Variants in GRIK4 observed in about 807,000 individuals in gnomAD.
GRIK4 encodes the protein glutamate receptor ionotropic, kainate 4.
GRIK4 carries 40 observed loss-of-function variants against 104.9 expected under a neutral mutation model. The ratio of observed to expected loss-of-function variants is 0.38; its 90% CI spans 0.30 to 0.50. The LOEUF is 0.50. Ranked by LOEUF, GRIK4 falls within the 20% of genes least tolerant of loss-of-function variation. The pLI is 0.93. For missense variants in GRIK4, 1,047 were observed against 1,308.1 expected (o/e 0.80, Z 3.08); for synonymous variants, 485 against 524.9 (o/e 0.92, Z 1.04).
In GRIK4 at chr11:120,831,956, G is replaced by C; in HGVS notation, c.616G>C (p.Glu206Gln). 1 of 1,613,972 alleles carries C rather than the reference G, an allele frequency of 6.2e-7. No individual in the cohort carries two copies. The highest frequency in any genetic ancestry group is 8.5e-7 in the Non-Finnish European group (1 of 1,179,960). ...CCGGGACCCCACCCCGCTCCTCAAG[G>C]AGATCCGGGACGACAAGACCGCCAC... ...DTRDPTPLLK[E>Q]IRDDKTATII... The change falls in exon 7 of 21, where the codon GAG becomes CAG. Residue 206 changes from glutamate (E) to glutamine (Q), a missense_variant. Around this residue, in one of 3 missense-constraint regions of GRIK4, gnomAD observed 447 missense variants for 514.9 expected, o/e 0.87. Coordinates refer to ENST00000527524, the MANE Select transcript of GRIK4 (RefSeq NM_014619.5).
intron 3 of GRIK4, among the ~76,000 whole-genome samples, chr11:120,703,996 G>C (rs1427659455): frequency 6.6e-6 from 1 of 152,198 alleles, no homozygotes. Context: ...CATAGTTTTA[G>C]TTTAGATTTC....
chr11:120,601,366 A>T (rs1004912209), intron 1 of GRIK4, among the ~76,000 whole-genome samples: 2 of 152,118 alleles, frequency 1.3e-5, no homozygotes, highest in Non-Finnish European at 2.9e-5. Context: ...AGATTGCGCC[A>T]CTGCACTCCA....
chr11:120,520,147 C>A (rs999995180), intron 1 of GRIK4, among the ~76,000 whole-genome samples: 1 of 152,130 alleles, frequency 6.6e-6, no homozygotes, highest in African/African-American at 2.4e-5. Flanking sequence ...CCCGCCTCAG[C>A]CCCCCAAAGT....
At chr11:120,852,208 TA>T (rs1953989768) in intron 8 of GRIK4, among the ~76,000 whole-genome samples, 4 of 152,156 alleles carry the variant, frequency 2.6e-5, no homozygotes, top group African/African-American at 9.7e-5. Flanking sequence ...GTGTTGTAAA[TA>T]AAAAAATGAA....
chr11:120,833,980 TGTTGGAGATACAG>T (rs1398185864), intron 7 of GRIK4, among the ~76,000 whole-genome samples: 1 of 152,222 alleles, frequency 6.6e-6, no homozygotes, highest in Non-Finnish European at 1.5e-5. Flanking sequence ...ATCACTTTAT[TGTTGGAGATACAG>T]GTTGTTTCAA....
At chr11:120,862,262 T>G in intron 9 of GRIK4, 142 bp downstream of exon 9, 1 of 728,666 alleles carries the variant, frequency 1.4e-6, no homozygotes, top group Non-Finnish European at 2.3e-6. Context: ...GGTAGAGAGG[T>G]GTGGGAAGTG....
intron 14 of GRIK4, among the ~76,000 whole-genome samples, chr11:120,944,435 G>A (rs1264050713): frequency 1.3e-5 from 2 of 152,108 alleles, no homozygotes; most frequent in African/African-American, 4.8e-5. Flanking sequence ...GTCACAAGCT[G>A]AATTCTGTGT....
At chr11:120,798,372 T>C (rs985721329) in intron 3 of GRIK4, among the ~76,000 whole-genome samples, 7 of 152,038 alleles carry the variant, frequency 4.6e-5, no homozygotes, top group Admixed American at 1.3e-4. Context: ...TTAGCCAGGA[T>C]GGTCTCAAAC....
intron 6 of GRIK4, among the ~76,000 whole-genome samples, chr11:120,825,834 T>A (rs1370686792): frequency 6.6e-6 from 1 of 152,234 alleles, no homozygotes; most frequent in Non-Finnish European, 1.5e-5. Flanking sequence ...ATTTAATTAC[T>A]GTTATTTTAT....
chr11:120,980,333 G>A (rs1565474683), intron 19 of GRIK4, among the ~76,000 whole-genome samples: 1 of 152,194 alleles, frequency 6.6e-6, no homozygotes, highest in African/African-American at 2.4e-5. Context: ...TAATTCATCC[G>A]TGTTGCACAG....
intron 1 of GRIK4, among the ~76,000 whole-genome samples, chr11:120,595,422 A>G (rs541633948): frequency 6.6e-6 from 1 of 152,078 alleles, no homozygotes; most frequent in South Asian, 2.1e-4. Flanking sequence ...TCCCCTCTAG[A>G]CTGTAAGTTC....
intron 3 of GRIK4, among the ~76,000 whole-genome samples, chr11:120,778,334 G>T (rs549576782): frequency 6.6e-6 from 1 of 152,184 alleles, no homozygotes; most frequent in Non-Finnish European, 1.5e-5. Flanking sequence ...GCACTAGGAC[G>T]CTGACTGGGG....
At chr11:120,804,806 C>G (rs1276232185) in intron 4 of GRIK4, among the ~76,000 whole-genome samples, 1 of 152,152 alleles carries the variant, frequency 6.6e-6, no homozygotes, top group African/African-American at 2.4e-5. Flanking sequence ...GCAGTGTGGC[C>G]AGTCTCACAA....
At chr11:120,551,194 G>A (rs112616966) in intron 1 of GRIK4, among the ~76,000 whole-genome samples, 2,411 of 152,202 alleles carry the variant, frequency 0.016, 69 homozygotes, top group African/African-American at 0.055. Context: ...GGAAGTTAAC[G>A]AGTTCCTGTT....
At chr11:120,547,909 G>A (rs1948101902) in intron 1 of GRIK4, among the ~76,000 whole-genome samples, 1 of 152,198 alleles carries the variant, frequency 6.6e-6, no homozygotes, top group Non-Finnish European at 1.5e-5. Context: ...CGGGTATGAG[G>A]GGAGTCTGCA....
Position 120,660,395 on chromosome 11 carries a change from G to A in GRIK4, c.77G>A (p.Arg26Lys). ...GTCGCCTGCAGCCCGCACTCCTTGA[G>A]GATCGGTAAGTGTGGCCCAGCTTGG... The part of the protein sequence containing the change: ...VMVACSPHSL[R>K]IAAILDDPME... The change falls in exon 3 of 21, where the codon AGG (arginine) becomes AAG (lysine). Residue 26 changes from arginine to lysine, a missense_variant. By Grantham distance (26) the Arg-to-Lys change is conservative. Transcript: ENST00000527524. 1 of 1,611,866 alleles carries A rather than the reference G, an allele frequency of 6.2e-7. No individual in the cohort carries two copies. The highest frequency in any genetic ancestry group is 8.5e-7 in the Non-Finnish European group (1 of 1,179,332).
intron 1 of GRIK4, among the ~76,000 whole-genome samples, chr11:120,539,884 G>A (rs1948015307): frequency 6.6e-6 from 1 of 152,146 alleles, no homozygotes; most frequent in Admixed American, 6.5e-5. Context: ...CCTTTTCAAG[G>A]TTACCCACCA....
At chr11:120,866,938 C>T (rs1954434472) in intron 9 of GRIK4, among the ~76,000 whole-genome samples, 2 of 152,180 alleles carry the variant, frequency 1.3e-5, no homozygotes, top group South Asian at 4.2e-4. Context: ...TATTTTCCTT[C>T]TCAGGGCATC....
intron 8 of GRIK4, among the ~76,000 whole-genome samples, chr11:120,847,541 G>A (rs1227740026): frequency 2.0e-5 from 3 of 152,194 alleles, no homozygotes; most frequent in Non-Finnish European, 4.4e-5. Flanking sequence ...AGGTAGAGAA[G>A]GACATTCTAA....
Sources: allele counts gnomAD v4.1 joint callset (sites outside exome capture counted in the v4.1 genomes callset), GRCh38; gene constraint gnomAD v4.1.1; regional missense constraint gnomAD v4.1.1; transcripts MANE v1.5; gene names NCBI Gene and HGNC (gene_info 2026-07-23, HGNC 2026-07-21).